MRPL3: variants seen among roughly 807,000 people sequenced by gnomAD.
MRPL3 encodes mitochondrial ribosomal protein L3, also known as large ribosomal subunit protein uL3m.
MRPL3 carries 43 observed loss-of-function variants against 44.3 expected under a neutral mutation model. The ratio of observed to expected loss-of-function variants is 0.97; its 90% CI spans 0.76 to 1.25. The LOEUF is 1.25. Ranked by LOEUF, MRPL3 falls within the 50% of genes most tolerant of loss-of-function variation. MRPL3 has a pLI of 0.00. For synonymous variants in MRPL3, 171 were observed against 152.3 expected, an observed-to-expected ratio of 1.12 and a Z score of -0.91; for missense variants, 406 against 427.6, an observed-to-expected ratio of 0.95 and a Z score of 0.45.
In MRPL3 at chr3:131,485,781, C is replaced by T. The variant is rs146824486; in HGVS notation, c.629+1899G>A. On this transcript the variant is annotated intron_variant, in intron 6 of 9. Transcript: ENST00000264995. ...AAGCAGCCAGCAGCTTTTGCAATGA[C>T]CTATATTTGAAACTAGGAAGAATGC... Among the ~76,000 whole-genome samples, 180 of 152,232 alleles carry T rather than the reference C, an allele frequency of 1.2e-3. 1 individual carries two copies. The highest frequency in any genetic ancestry group is 4.1e-3 in the African/African-American group (172 of 41,536).
At chr3:131,479,210 C>T (rs1361629780) in intron 6 of MRPL3, 2 of 518,486 alleles carry the variant, frequency 3.9e-6, no homozygotes, top group Non-Finnish European at 7.7e-6. Flanking sequence ...TGAGCACAGT[C>T]AGGCAAGGTC....
In MRPL3 at chr3:131,469,695, C is replaced by T. The variant is rs1206037811; in HGVS notation, c.816+1G>A. 3.1e-6 allele frequency: 5 copies of T among 1,606,000 alleles called. No homozygotes were observed. Among genetic ancestry groups the T allele is most frequent in the Non-Finnish European group, 4.3e-6 (5 of 1,175,298 alleles). On this transcript the variant is annotated splice_donor_variant, in intron 8 of 9. Transcript: ENST00000264995. LOFTEE classifies it high-confidence loss of function. ...TAAAAAGAACCACTTGTAACACTTA[C>T]TTTCAGTCCATATTCTGTCCTGTAT...
intron 6 of MRPL3, among the ~76,000 whole-genome samples, chr3:131,486,590 T>G (rs4854886): frequency 0.66 from 99,369 of 151,372 alleles, 33,129 homozygotes; most frequent in Middle Eastern, 0.77. Flanking sequence ...ATCCAGAATC[T>G]ACAAAGAACT....
intron 2 of MRPL3, 135 bp downstream of exon 2, chr3:131,501,396 C>T (rs1934494160): frequency 1.2e-6 from 1 of 808,682 alleles, no homozygotes; most frequent in African/African-American, 1.8e-5. Flanking sequence ...GCAAAACAAA[C>T]CACAATAAAA....
At chr3:131,479,133 T>A in intron 6 of MRPL3, 1 of 518,660 alleles carries the variant, frequency 1.9e-6, no homozygotes, top group South Asian at 1.4e-5. Context: ...CAGCCACTGA[T>A]GAAGCTGGTT....
chr3:131,481,019 C>T (rs1304111745), intron 6 of MRPL3, among the ~76,000 whole-genome samples: 1 of 152,170 alleles, frequency 6.6e-6, no homozygotes, highest in African/African-American at 2.4e-5. Context: ...TCCAGCCACG[C>T]TTTCAACCCA....
At chr3:131,479,224 G>A (rs781537707) in intron 6 of MRPL3, 6 of 513,596 alleles carry the variant, frequency 1.2e-5, no homozygotes, top group East Asian at 1.1e-4. Flanking sequence ...CAAGGTCTAC[G>A]AGTATGCCCT....
rs1391546349 is a variant in MRPL3 at position 131,486,997 on chromosome 3, T to C, written c.629+683A>G. Among the ~76,000 whole-genome samples, 6 of 152,322 alleles carry C rather than the reference T, an allele frequency of 3.9e-5. No individual in the cohort carries two copies. The South Asian group carries it at 8.3e-4, about 21-fold the overall frequency. ...TAAATCATGCTACTATAAAGACACA[T>C]GCACACATATGTTTATTGTGGCACT... On this transcript the variant is annotated intron_variant, in intron 6 of 9. Coordinates refer to ENST00000264995, the MANE Select transcript of MRPL3 (RefSeq NM_007208.4).
At chr3:131,499,574 TAG>T (rs1244278775) in intron 3 of MRPL3, among the ~76,000 whole-genome samples, 1 of 152,202 alleles carries the variant, frequency 6.6e-6, no homozygotes, top group Non-Finnish European at 1.5e-5. Context: ...AAAGGATCTA[TAG>T]ACTCTTTGAG....
At chr3:131,494,693 A>G (rs1247588393) in intron 4 of MRPL3, among the ~76,000 whole-genome samples, 1 of 152,242 alleles carries the variant, frequency 6.6e-6, no homozygotes, top group Non-Finnish European at 1.5e-5. Context: ...AATAGTAAAT[A>G]CTTTTTTCTT....
At chr3:131,482,085 T>G (rs1287933078) in intron 6 of MRPL3, among the ~76,000 whole-genome samples, 1 of 152,220 alleles carries the variant, frequency 6.6e-6, no homozygotes, top group African/African-American at 2.4e-5. Flanking sequence ...GTTGACAGTT[T>G]AAACATCTTT....
chr3:131,497,130 A>G (rs1391348791), intron 4 of MRPL3, among the ~76,000 whole-genome samples: 1 of 152,152 alleles, frequency 6.6e-6, no homozygotes, highest in Non-Finnish European at 1.5e-5. Flanking sequence ...TTGTACTGGG[A>G]TGGCTGGTTT....
At chr3:131,494,574 A>G (rs1180747969) in intron 4 of MRPL3, among the ~76,000 whole-genome samples, 1 of 152,150 alleles carries the variant, frequency 6.6e-6, no homozygotes, top group African/African-American at 2.4e-5. Context: ...TATTCTAATA[A>G]TACAAAACAG....
intron 4 of MRPL3, among the ~76,000 whole-genome samples, chr3:131,493,637 C>T (rs1427745478): frequency 6.6e-6 from 1 of 152,158 alleles, no homozygotes; most frequent in African/African-American, 2.4e-5. Context: ...TAACTCTTCC[C>T]ACTTTTCTAC....
intron 6 of MRPL3, 85 bp from the exon 7 acceptor site, chr3:131,471,364 C>T: frequency 2.3e-6 from 2 of 885,372 alleles, no homozygotes; most frequent in African/African-American, 1.7e-5. Context: ...CAACTGTACA[C>T]ATTCTTGTTA....
chr3:131,471,063 C>T (rs570642785), intron 7 of MRPL3, 108 bp downstream of exon 7: 2 of 749,692 alleles, frequency 2.7e-6, no homozygotes, highest in South Asian at 1.6e-5. Context: ...ATGGAGTCCC[C>T]TTGTGTCAGA....
In MRPL3 at chr3:131,490,020, T is replaced by C. The variant is rs1425587252; in HGVS notation, c.529A>G (p.Lys177Glu). The C allele has an allele frequency of 6.2e-7, 1 of 1,611,836 alleles. No homozygotes were observed. Among genetic ancestry groups the C allele is most frequent in the African/African-American group, 1.3e-5 (1 of 74,858 alleles). ...GCATTATCTGTTATATTAAAGATTT[T>C]AACTGTCTGTTTCGGCGGCAATCCA... is the stretch of plus-strand genomic sequence containing the variant. ...ELGLPPKQTV[K>E]IFNITDNAAI... The change falls in exon 5 of 10, where the codon AAA becomes GAA. Residue 177 changes from lysine (K) to glutamate (E), a missense_variant. Coordinates refer to ENST00000264995, the MANE Select transcript of MRPL3 (RefSeq NM_007208.4).
intron 6 of MRPL3, 104 bp downstream of exon 6, chr3:131,487,576 T>C (rs1934157756): frequency 1.1e-6 from 1 of 888,812 alleles, no homozygotes; most frequent in African/African-American, 1.7e-5. Flanking sequence ...GAAATATATT[T>C]ATCCTTTATT....
chr3:131,500,400 T>C (rs758236799), intron 3 of MRPL3, 30 bp downstream of exon 3: 25 of 1,539,312 alleles, frequency 1.6e-5, no homozygotes, highest in Admixed American at 3.3e-5. Flanking sequence ...AACACATAGA[T>C]ATCTCTTACG....
Sources: allele counts gnomAD v4.1 joint callset (sites outside exome capture counted in the v4.1 genomes callset), GRCh38; gene constraint gnomAD v4.1.1; transcripts MANE v1.5; gene names NCBI Gene and HGNC (gene_info 2026-07-23, HGNC 2026-07-21).